AP3S1: variants seen among roughly 807,000 people sequenced by gnomAD.
The protein encoded by AP3S1 is AP-3 complex subunit sigma-1.
A neutral mutation model predicts 21.3 loss-of-function variants in AP3S1; 12 were observed. The observed-to-expected ratio is 0.56, with a 90% CI of 0.36 to 0.91. The LOEUF (loss-of-function observed/expected upper bound fraction) is 0.91, where lower values mean the gene tolerates loss of function less well. AP3S1 is among the 40% of genes least tolerant of loss of function. AP3S1 has a pLI of 0.01. For synonymous variants in AP3S1, 48 were observed against 78.4 expected (o/e 0.61, Z 2.05); for missense variants, 116 against 225.0 (o/e 0.52, Z 3.10).
intron 3 of AP3S1, among the ~76,000 whole-genome samples, chr5:115,878,200 TTTAA>T (rs1748903671): frequency 6.6e-6 from 1 of 152,220 alleles, no homozygotes; most frequent in Non-Finnish European, 1.5e-5. Context: ...AACTCTTTAG[TTTAA>T]TTAGATCCCA....
intron 4 of AP3S1, among the ~76,000 whole-genome samples, chr5:115,901,844 T>A (rs983943496): frequency 2.4e-4 from 36 of 152,340 alleles, no homozygotes; most frequent in South Asian, 6.2e-4. Flanking sequence ...GGATATTTTT[T>A]AAATTATGAA....
rs1212533005 is a variant in AP3S1, at chr5:115,846,991, T to A, written c.69+4885T>A. 2.0e-5 allele frequency among the ~76,000 whole-genome samples: 3 copies of A among 152,214 alleles called. No individual in the cohort carries two copies. In the East Asian group the frequency reaches 5.8e-4, roughly 29 times the overall value. ...TGATTCAGCAAATCAATGACTTTAT[T>A]GTAGATCCAATTTCTTTCTCTTTCT... On this transcript the variant is annotated intron_variant, in intron 1 of 5. Transcript: ENST00000316788.
intron 1 of AP3S1, among the ~76,000 whole-genome samples, chr5:115,857,441 G>A (rs759406444): frequency 2.6e-5 from 4 of 152,188 alleles, no homozygotes; most frequent in Non-Finnish European, 5.9e-5. Context: ...TAAGTAACTT[G>A]CTCAAAGTCA....
chr5:115,859,719 A>C (rs1763035009), intron 1 of AP3S1, among the ~76,000 whole-genome samples: 1 of 152,174 alleles, frequency 6.6e-6, no homozygotes, highest in South Asian at 2.1e-4. Context: ...AACAGCTAAC[A>C]GTTTTCTGTC....
chr5:115,860,361 A>G (rs574288896), intron 1 of AP3S1, among the ~76,000 whole-genome samples: 31 of 152,360 alleles, frequency 2.0e-4, no homozygotes, highest in African/African-American at 7.5e-4. Context: ...TACAGGTTCC[A>G]GGGATTAGGA....
intron 1 of AP3S1, among the ~76,000 whole-genome samples, chr5:115,865,254 T>A (rs891574443): frequency 2.0e-5 from 3 of 152,142 alleles, no homozygotes; most frequent in African/African-American, 7.2e-5. Context: ...GTAAATATAT[T>A]TTCTCTTATG....
chr5:115,846,145 A>C (rs566882229), intron 1 of AP3S1, among the ~76,000 whole-genome samples: 124 of 152,252 alleles, frequency 8.1e-4, no homozygotes, highest in Non-Finnish European at 1.1e-3. Context: ...GTGATTCCAT[A>C]GTGTATCCTC....
intron 3 of AP3S1, among the ~76,000 whole-genome samples, chr5:115,871,478 T>G (rs1748240065): frequency 6.6e-6 from 1 of 152,212 alleles, no homozygotes; most frequent in Non-Finnish European, 1.5e-5. Flanking sequence ...GTCTAAACTG[T>G]AACCCCTCCA....
chr5:115,906,712 T>G (rs904333760), intron 5 of AP3S1: 37 of 773,126 alleles, frequency 4.8e-5, no homozygotes, highest in Non-Finnish European at 6.8e-5. Context: ...ATGTTATTCT[T>G]AAGATGGATA....
rs192955929 is a variant in AP3S1, at chr5:115,868,450, G to T, written c.162-1567G>T. 2.2e-4 allele frequency among the ~76,000 whole-genome samples: 34 copies of T among 152,256 alleles called. 1 individual carries two copies. In the East Asian group the frequency reaches 6.0e-3, roughly 27 times the overall value. On this transcript the variant is annotated intron_variant, in intron 2 of 5. Coordinates refer to ENST00000316788, the MANE Select transcript of AP3S1 (RefSeq NM_001284.4). Reference sequence around the variant, plus strand: ...TAAATTAAACATCTTCTCTAGAAGAGTATCTAGCATAGTAGGAAATTTTTA... The same window carrying T: ...TAAATTAAACATCTTCTCTAGAAGATTATCTAGCATAGTAGGAAATTTTTA...
rs189590961 is a variant in AP3S1 at position 115,882,750 on chromosome 5, A to T, written c.274-12337A>T. ...ACTGTGCTGGGAGATCTGCTGCTCT[A>T]TTCAGAGCTGGCAGGCATGAACGTT... On this transcript the variant is annotated intron_variant, in intron 3 of 5. Transcript: ENST00000316788. Among the ~76,000 whole-genome samples the T allele has an allele frequency of 2.6e-3, 389 of 152,334 alleles. 2 individuals are homozygous for T. Among genetic ancestry groups the T allele is most frequent in the Non-Finnish European group, 4.1e-3 (279 of 68,032 alleles).
At chr5:115,864,929 T>C (rs1003004647) in intron 1 of AP3S1, among the ~76,000 whole-genome samples, 1 of 152,206 alleles carries the variant, frequency 6.6e-6, no homozygotes, top group African/African-American at 2.4e-5. Context: ...TTGACTTCTT[T>C]TAATGACATG....
chr5:115,880,040 A>G (rs895581822), intron 3 of AP3S1, among the ~76,000 whole-genome samples: 1 of 152,076 alleles, frequency 6.6e-6, no homozygotes, highest in Non-Finnish European at 1.5e-5. Flanking sequence ...TTTCTGTGGG[A>G]TCAGTAGTGA....
At chr5:115,857,359 C>T (rs982223575) in intron 1 of AP3S1, among the ~76,000 whole-genome samples, 2 of 152,156 alleles carry the variant, frequency 1.3e-5, no homozygotes, top group Non-Finnish European at 2.9e-5. Flanking sequence ...TCAGTTCTCA[C>T]AACACCACCA....
At chr5:115,875,887 A>G (rs543300922) in intron 3 of AP3S1, among the ~76,000 whole-genome samples, 9 of 152,154 alleles carry the variant, frequency 5.9e-5, no homozygotes, top group African/African-American at 9.7e-5. Flanking sequence ...TGTTATTTTC[A>G]TGCTTGAGAA....
chr5:115,909,789 G>T (rs916818640), intron 5 of AP3S1, among the ~76,000 whole-genome samples: 4 of 152,090 alleles, frequency 2.6e-5, no homozygotes, highest in African/African-American at 7.2e-5. Context: ...CCTTACCTGT[G>T]TTGGGTACAT....
chr5:115,897,102 AT>A (rs1750816240), intron 4 of AP3S1, among the ~76,000 whole-genome samples: 1 of 152,238 alleles, frequency 6.6e-6, no homozygotes, highest in Non-Finnish European at 1.5e-5. Flanking sequence ...AGAGAAAAAT[AT>A]GTGAAAATCA....
In AP3S1 at chr5:115,913,748, C is replaced by G. The variant is rs529703773; in HGVS notation, c.*258C>G. 4.0e-6 allele frequency: 2 copies of G among 494,696 alleles called. No homozygotes were observed. Among genetic ancestry groups the G allele is most frequent in the Non-Finnish European group, 6.9e-6 (2 of 290,172 alleles). The allele number at this position is 494,696 out of a possible 1,614,324, so 30.6% of individuals were successfully genotyped here. On this transcript the variant is annotated 3_prime_UTR_variant, in exon 6 of 6. Transcript: ENST00000316788. ...TAAACTGCATTCCTGTGCCCACCTA[C>G]GGCATGCCTCTATGTATTGGCTACT...
At chr5:115,886,897 C>T (rs1749833338) in intron 3 of AP3S1, among the ~76,000 whole-genome samples, 1 of 152,158 alleles carries the variant, frequency 6.6e-6, no homozygotes, top group East Asian at 1.9e-4. Context: ...GTGTTAAGTG[C>T]ATGGTACATA....
Sources: allele counts gnomAD v4.1 joint callset (sites outside exome capture counted in the v4.1 genomes callset), GRCh38; gene constraint gnomAD v4.1.1; transcripts MANE v1.5; gene names NCBI Gene and HGNC (gene_info 2026-07-23, HGNC 2026-07-21).